Variants in TRIM9 observed in about 807,000 individuals in gnomAD.
The protein encoded by TRIM9 is E3 ubiquitin-protein ligase TRIM9.
A neutral mutation model predicts 78.3 loss-of-function variants in TRIM9; 26 were observed. The ratio of observed to expected loss-of-function variants is 0.33; its 90% CI spans 0.24 to 0.46. The LOEUF (loss-of-function observed/expected upper bound fraction) is 0.46, where lower values mean the gene tolerates loss of function less well. Among genes scored for constraint, TRIM9 ranks in the 20% least tolerant of loss-of-function variants. The probability of loss-of-function intolerance (pLI) is 1.00; values close to 1 mark genes in which losing one functional copy is unlikely to be tolerated. For synonymous variants in TRIM9, 398 were observed against 416.5 expected (o/e 0.96, Z 0.54); for missense variants, 787 against 1,036.4 (o/e 0.76, Z 3.30).
rs530117185 is a variant in TRIM9, at chr14:51,051,790, A to G, written c.823-26430T>C. On this transcript the variant is annotated intron_variant, in intron 1 of 12. Coordinates refer to ENST00000684578, the MANE Select transcript of TRIM9 (RefSeq NM_001387360.1). ...AAGGCCAGCCTGGCCAACATAGTGA[A>G]ACCCCATCTCTACTAAAAATACAAA... is the stretch of plus-strand genomic sequence containing the variant. Among the ~76,000 whole-genome samples the G allele has an allele frequency of 4.0e-3, 607 of 152,190 alleles. 2 individuals are homozygous for G. Among genetic ancestry groups the G allele is most frequent in the Middle Eastern group, 6.8e-3 (2 of 294 alleles).
At chr14:51,054,666 C>T (rs2140110184) in intron 1 of TRIM9, among the ~76,000 whole-genome samples, 1 of 152,104 alleles carries the variant, frequency 6.6e-6, no homozygotes, top group East Asian at 1.9e-4. Context: ...CTCCGCCTCC[C>T]GGGTTCAAGC....
chr14:51,000,515 C>T (rs147935214), intron 6 of TRIM9, among the ~76,000 whole-genome samples, 168 bp downstream of exon 6: 3 of 152,312 alleles, frequency 2.0e-5, no homozygotes, highest in Admixed American at 6.5e-5. Context: ...GCTCCATCCA[C>T]CTTCACGGTA....
intron 3 of TRIM9, among the ~76,000 whole-genome samples, chr14:51,011,094 A>G (rs1380949204): frequency 6.6e-6 from 1 of 152,216 alleles, no homozygotes; most frequent in Non-Finnish European, 1.5e-5. Flanking sequence ...AAAGCTGAAG[A>G]AAGAAGACGG....
At chr14:51,026,068 C>T (rs2058201815) in intron 1 of TRIM9, among the ~76,000 whole-genome samples, 1 of 152,188 alleles carries the variant, frequency 6.6e-6, no homozygotes, top group African/African-American at 2.4e-5. Context: ...TTCCAGCCTC[C>T]TCGTCCGCTG....
At chr14:51,009,035 C>T (rs1166334161) in intron 5 of TRIM9, 45 bp downstream of exon 5, 1 of 1,601,222 alleles carries the variant, frequency 6.2e-7, no homozygotes. Context: ...GCACCAGCAT[C>T]CACTCAGGAT....
chr14:51,083,812 G>A (rs11628407), intron 1 of TRIM9, among the ~76,000 whole-genome samples: 53,635 of 152,046 alleles, frequency 0.35, 9,803 homozygotes, highest in Admixed American at 0.42. Flanking sequence ...GTGAACTTCT[G>A]ACATTTTGAA....
chr14:51,032,814 T>C (rs1215628637), intron 1 of TRIM9, among the ~76,000 whole-genome samples: 4 of 152,268 alleles, frequency 2.6e-5, no homozygotes, highest in Admixed American at 2.6e-4. Context: ...ATGCCTAGCA[T>C]ATTGTTAAAA....
At chr14:51,062,348 A>AT (rs2061415996) in intron 1 of TRIM9, among the ~76,000 whole-genome samples, 1 of 151,946 alleles carries the variant, frequency 6.6e-6, no homozygotes, top group South Asian at 2.1e-4. Flanking sequence ...ATTTTTCTCG[A>AT]TTTTTTTGTA....
intron 3 of TRIM9, among the ~76,000 whole-genome samples, chr14:51,017,967 A>G (rs560739551): frequency 6.6e-6 from 1 of 151,526 alleles, no homozygotes; most frequent in South Asian, 2.1e-4. Flanking sequence ...AAATATGCCA[A>G]ATGAAACTCT....
In TRIM9 at chr14:51,009,124, G is replaced by C; in HGVS notation, c.1262C>G (p.Pro421Arg). 1 of 1,614,064 alleles carries C rather than the reference G, an allele frequency of 6.2e-7. No homozygotes were observed. The highest frequency in any genetic ancestry group is 8.5e-7 in the Non-Finnish European group (1 of 1,179,942). The change falls in exon 5 of 13, where the codon CCT becomes CGT. Residue 421 changes from proline to arginine, a missense_variant. Physicochemically the swap from Pro to Arg is moderately radical, Grantham distance 103. Around this residue, in one of 3 missense-constraint regions of TRIM9, gnomAD observed 421 missense variants for 514.3 expected, o/e 0.82. Coordinates refer to ENST00000684578, the MANE Select transcript of TRIM9 (RefSeq NM_001387360.1). The stretch of plus-strand genomic sequence containing the variant: ...CAGCTGGTGGATGGATTGCAGCAGA[G>C]GGCTGTTGTCCAGACTCAAGTCAAA... ...TDFDLSLDNS[P>R]LLQSIHQLDF...
At position 51,021,389 on chromosome 14, in the gene TRIM9, G is replaced by A. The variant is rs542598316; in HGVS notation, c.1041+1446C>T. 7.9e-5 allele frequency among the ~76,000 whole-genome samples: 12 copies of A among 152,278 alleles called. No homozygotes were observed. The South Asian group carries it at 1.9e-3, about 24-fold the overall frequency. On this transcript the variant is annotated intron_variant, in intron 3 of 12. Transcript: ENST00000684578. ...CCAGCTCTTGAGGTACTCTGTGACC[G>A]TTTTAACTGCAAGTAATTTTGCCCT...
rs757052786 is a variant in TRIM9, at chr14:50,977,160, A to G, written c.*131T>C. The G allele has an allele frequency of 6.8e-6, 4 of 588,510 alleles. No individual in the cohort carries two copies. Among genetic ancestry groups the G allele is most frequent in the Non-Finnish European group, 1.1e-5 (4 of 376,732 alleles). The allele number at this position is 588,510 out of a possible 1,614,324, so 36.5% of individuals were successfully genotyped here. ...AGAGCTGTGGGTGTAAAGACTGCAG[A>G]GGACCAGCTTTTCTCTCCTCCTTCT... On this transcript the variant is annotated 3_prime_UTR_variant, in exon 13 of 13. Coordinates refer to ENST00000684578, the MANE Select transcript of TRIM9 (RefSeq NM_001387360.1).
At chr14:51,094,090 G>A (rs756849629) in intron 1 of TRIM9, 28 bp downstream of exon 1, 2 of 1,587,994 alleles carry the variant, frequency 1.3e-6, no homozygotes, top group Non-Finnish European at 1.7e-6. Flanking sequence ...GACGCAGGGA[G>A]TTAGGAGTGG....
At chr14:51,087,515 AAC>A in intron 1 of TRIM9, among the ~76,000 whole-genome samples, 1 of 152,272 alleles carries the variant, frequency 6.6e-6, no homozygotes, top group Middle Eastern at 3.4e-3. Flanking sequence ...GGGTTGTGAG[AAC>A]ACCCCAGGGG....
At chr14:50,997,652 G>T (rs2054398298) in intron 7 of TRIM9, 2 of 1,080,242 alleles carry the variant, frequency 1.9e-6, no homozygotes, top group South Asian at 6.7e-5. Context: ...AAGTACTACA[G>T]AGTAATTTAG....
intron 7 of TRIM9, chr14:50,997,674 C>A (rs2139477462): frequency 9.0e-7 from 1 of 1,115,052 alleles, no homozygotes; most frequent in Non-Finnish European, 1.1e-6. Context: ...ATCATCTGGG[C>A]AAAACTGGCA....
intron 1 of TRIM9, among the ~76,000 whole-genome samples, chr14:51,061,470 G>C (rs1164138854): frequency 6.7e-6 from 1 of 150,120 alleles, no homozygotes; most frequent in East Asian, 1.9e-4. Context: ...TATACATATT[G>C]AATTTAAGTC....
intron 5 of TRIM9, among the ~76,000 whole-genome samples, chr14:51,002,000 A>G (rs1020034069): frequency 8.5e-5 from 13 of 152,204 alleles, no homozygotes; most frequent in Non-Finnish European, 1.5e-4. Flanking sequence ...CTAGTACTTA[A>G]ACTGCAAATT....
intron 1 of TRIM9, among the ~76,000 whole-genome samples, chr14:51,076,886 C>A (rs1465317320): frequency 2.0e-5 from 3 of 152,182 alleles, no homozygotes; most frequent in Non-Finnish European, 2.9e-5. Context: ...TAGCAGTAGA[C>A]CCTGGAACAG....
Sources: allele counts gnomAD v4.1 joint callset (sites outside exome capture counted in the v4.1 genomes callset), GRCh38; gene constraint gnomAD v4.1.1; regional missense constraint gnomAD v4.1.1; transcripts MANE v1.5; gene names NCBI Gene and HGNC (gene_info 2026-07-23, HGNC 2026-07-21).